The following FARSB variants were observed in gnomAD, a reference collection of about 807,000 sequenced individuals.
FARSB encodes the protein phenylalanyl-tRNA synthetase subunit beta.
A neutral mutation model predicts 69.6 loss-of-function variants in FARSB; 40 were observed. The ratio of observed to expected loss-of-function variants is 0.57; its 90% CI spans 0.45 to 0.75. FARSB has a LOEUF of 0.75. FARSB is among the 30% of genes least tolerant of loss of function. The probability of loss-of-function intolerance (pLI) is 0.00; values close to 1 mark genes in which losing one functional copy is unlikely to be tolerated. For synonymous variants in FARSB, 235 were observed against 247.2 expected (o/e 0.95, Z 0.46); for missense variants, 632 against 722.9 (o/e 0.87, Z 1.44).
intron 2 of FARSB, among the ~76,000 whole-genome samples, chr2:222,648,342 G>A (rs142570122): frequency 4.6e-5 from 7 of 152,292 alleles, no homozygotes; most frequent in African/African-American, 1.7e-4. Flanking sequence ...GGTTATGGGG[G>A]CAGAGGAGCT....
At chr2:222,644,474 C>T in intron 2 of FARSB, 1 of 445,416 alleles carries the variant, frequency 2.2e-6, no homozygotes, top group African/African-American at 2.0e-5. Context: ...CGAGTTTAAA[C>T]AATGTTCAAT....
chr2:222,625,256 G>A (rs1318764828), intron 10 of FARSB, among the ~76,000 whole-genome samples: 1 of 152,190 alleles, frequency 6.6e-6, no homozygotes, highest in East Asian at 1.9e-4. Flanking sequence ...ATGCAATGAT[G>A]AATTTGGTAC....
In FARSB at chr2:222,656,024, C is replaced by A. The variant is rs768147915; in HGVS notation, c.50G>T (p.Arg17Leu). Residue 17 changes from arginine to leucine, a missense_variant, in exon 1 of 17, where the codon CGC (arginine) becomes CTC (leucine). Coordinates refer to ENST00000281828, the MANE Select transcript of FARSB (RefSeq NM_005687.5). Reference sequence around the variant, plus strand: ...ATAGGGCCGCCACTCACTGTAGGTGCGGCCCAGGGCTTGGAAGAGCAGATC... The same window carrying A: ...ATAGGGCCGCCACTCACTGTAGGTGAGGCCCAGGGCTTGGAAGAGCAGATC... ...KRDLLFQALG[R>L]TYTDEEFDEL... 1.1e-5 allele frequency: 18 copies of A among 1,593,866 alleles called. No individual in the cohort carries two copies. The highest frequency in any genetic ancestry group is 1.5e-5 in the Non-Finnish European group (18 of 1,170,212).
intron 16 of FARSB, among the ~76,000 whole-genome samples, chr2:222,588,993 G>A (rs139660216): frequency 0.016 from 2,377 of 152,028 alleles, 59 homozygotes; most frequent in African/African-American, 0.051. Flanking sequence ...CTTTCTTCAC[G>A]GATTTGGAAA....
chr2:222,604,410 C>T (rs551138234), intron 15 of FARSB, among the ~76,000 whole-genome samples: 20 of 152,232 alleles, frequency 1.3e-4, no homozygotes, highest in Middle Eastern at 3.4e-3. Flanking sequence ...AGTTGAACTT[C>T]GGACTGAACA....
intron 15 of FARSB, among the ~76,000 whole-genome samples, chr2:222,607,688 A>T (rs1690738469): frequency 1.3e-5 from 2 of 152,110 alleles, no homozygotes; most frequent in African/African-American, 4.8e-5. Flanking sequence ...TTGCTTTTAA[A>T]TTAAAAATAC....
At chr2:222,578,561 C>T (rs534330172) in intron 16 of FARSB, among the ~76,000 whole-genome samples, 6 of 152,282 alleles carry the variant, frequency 3.9e-5, no homozygotes, top group Admixed American at 2.6e-4. Context: ...AAAAGGAGGC[C>T]GGGCACGGTG....
At chr2:222,637,982 AAAAC>A (rs1015692373) in intron 5 of FARSB, among the ~76,000 whole-genome samples, 1 of 152,118 alleles carries the variant, frequency 6.6e-6, no homozygotes, top group Non-Finnish European at 1.5e-5. Context: ...ACCCTGTCTC[AAAAC>A]AAACAAACAA....
chr2:222,620,634 A>G (rs1691112551), intron 13 of FARSB, among the ~76,000 whole-genome samples: 1 of 152,264 alleles, frequency 6.6e-6, no homozygotes, highest in African/African-American at 2.4e-5. Context: ...AACAATGATG[A>G]TAACTGACAA....
chr2:222,629,741 TATTC>T (rs1691368740), intron 9 of FARSB, among the ~76,000 whole-genome samples: 1 of 152,200 alleles, frequency 6.6e-6, no homozygotes, highest in South Asian at 2.1e-4. Flanking sequence ...TATATTTGTT[TATTC>T]ATTCATTTTT....
At chr2:222,573,014 G>T (rs1225547106) in intron 16 of FARSB, among the ~76,000 whole-genome samples, 1 of 152,190 alleles carries the variant, frequency 6.6e-6, no homozygotes, top group Non-Finnish European at 1.5e-5. Context: ...GGGCCACAGT[G>T]TCCAGCCTGC....
intron 5 of FARSB, among the ~76,000 whole-genome samples, chr2:222,637,855 T>A (rs1691625290): frequency 6.6e-6 from 1 of 152,070 alleles, no homozygotes; most frequent in African/African-American, 2.4e-5. Context: ...TGGTGACTCA[T>A]GCTTGTAGTC....
chr2:222,586,295 C>A (rs1690110310), intron 16 of FARSB, among the ~76,000 whole-genome samples: 1 of 152,202 alleles, frequency 6.6e-6, no homozygotes, highest in Admixed American at 6.5e-5. Flanking sequence ...AAATCCTTTA[C>A]AGACAAGCAA....
intron 16 of FARSB, among the ~76,000 whole-genome samples, chr2:222,587,297 C>A (rs1251023928): frequency 6.6e-6 from 1 of 152,158 alleles, no homozygotes; most frequent in Non-Finnish European, 1.5e-5. Flanking sequence ...TAAAGATGTT[C>A]TTTGAAACCA....
At chr2:222,635,199 A>C (rs1691548877) in intron 5 of FARSB, among the ~76,000 whole-genome samples, 1 of 152,198 alleles carries the variant, frequency 6.6e-6, no homozygotes, top group African/African-American at 2.4e-5. Flanking sequence ...AGGGATGTAA[A>C]ACCGAGCCAG....
chr2:222,634,016 G>A (rs948781203), intron 6 of FARSB, among the ~76,000 whole-genome samples: 6 of 152,006 alleles, frequency 3.9e-5, no homozygotes, highest in Middle Eastern at 3.2e-3. Context: ...ATTCATTTTC[G>A]CTGCTGGACT....
intron 8 of FARSB, 21 bp downstream of exon 8, chr2:222,631,583 T>C: frequency 5.3e-6 from 7 of 1,328,270 alleles, no homozygotes; most frequent in Non-Finnish European, 7.6e-6. Context: ...CATACAAAAA[T>C]TGAGTAAAAG....
At chr2:222,635,870 A>T (rs1691565334) in intron 5 of FARSB, among the ~76,000 whole-genome samples, 1 of 152,108 alleles carries the variant, frequency 6.6e-6, no homozygotes, top group Admixed American at 6.5e-5. Context: ...GCTTGAGCCC[A>T]AGAGTTCAAG....
rs1326492069 is a variant in FARSB at position 222,616,996 on chromosome 2, T to TCTGATTATTTTCC, written c.1344+2648_1344+2649insGGAAAATAATCAG. On this transcript the variant is annotated intron_variant, in intron 14 of 16. Coordinates refer to ENST00000281828, the MANE Select transcript of FARSB (RefSeq NM_005687.5). ...CAGAAAGATTGATTCTTTTTTTTTT[T>TCTGATTATTTTCC]TTTTTTTTTTTTTTTGAGACGGAGT... 2.2e-3 allele frequency among the ~76,000 whole-genome samples: 52 copies of TCTGATTATTTTCC among 23,696 alleles called. 8 individuals carry two copies. The highest frequency in any genetic ancestry group is 0.1 in the Middle Eastern group (2 of 20). 15.5% of individuals were successfully genotyped at this position (23,696 alleles called of 152,430 possible).
Sources: allele counts gnomAD v4.1 joint callset (sites outside exome capture counted in the v4.1 genomes callset), GRCh38; gene constraint gnomAD v4.1.1; transcripts MANE v1.5; gene names NCBI Gene and HGNC (gene_info 2026-07-23, HGNC 2026-07-21).